Variants in COL4A3 observed in about 807,000 individuals in gnomAD.
The protein encoded by COL4A3 is collagen alpha-3(IV) chain.
COL4A3 carries 135 observed loss-of-function variants against 217.4 expected under a neutral mutation model. That is an observed-to-expected ratio of 0.62 (90% CI 0.54 to 0.72). The LOEUF (loss-of-function observed/expected upper bound fraction) is 0.72. Ranked by LOEUF, COL4A3 falls within the 30% of genes least tolerant of loss-of-function variation. The probability of loss-of-function intolerance (pLI) is 0.00; values close to 1 mark genes in which losing one functional copy is unlikely to be tolerated. For missense variants in COL4A3, 1,868 were observed against 2,119.9 expected (o/e 0.88, Z 2.33); for synonymous variants, 690 against 736.3 (o/e 0.94, Z 1.02).
At chr2:227,266,605 G>T in intron 22 of COL4A3, 96 bp downstream of exon 22, 1 of 910,738 alleles carries the variant, frequency 1.1e-6, no homozygotes, top group Non-Finnish European at 1.8e-6. Flanking sequence ...ATCCCAAATA[G>T]CTACCAGTCA....
At chr2:227,281,683 C>T (rs550068294) in intron 31 of COL4A3, 7 of 152,820 alleles carry the variant, frequency 4.6e-5, no homozygotes, top group Admixed American at 4.6e-4. Flanking sequence ...TTATTTTTTC[C>T]AGAGGCATCC....
chr2:227,297,689 G>A lies in COL4A3; in HGVS notation c.3581G>A (p.Arg1194Lys), dbSNP rs2073091084. 2 of 1,608,544 alleles carry A rather than the reference G, an allele frequency of 1.2e-6. No individual in the cohort carries two copies. Among genetic ancestry groups the A allele is most frequent in the Non-Finnish European group, 1.7e-6 (2 of 1,178,116 alleles). The stretch of plus-strand genomic sequence containing the variant: ...TTCTTTGCAGGAGCCAAAGGAGACA[G>A]GGGAGCCCCAGGTTTTCCTGGCCTC... The part of the protein sequence containing the change: ...NPGAQGAKGD[R>K]GAPGFPGLPG... Residue 1194 changes from arginine to lysine, a missense_variant, in exon 42 of 52, where the codon AGG becomes AAG. Arg to Lys is a conservative substitution (Grantham distance 26). Coordinates refer to ENST00000396578, the MANE Select transcript of COL4A3 (RefSeq NM_000091.5).
rs762337737 is a variant in COL4A3, at chr2:227,280,525, T to G, written c.2309T>G (p.Ile770Ser). Residue 770 changes from isoleucine (I) to serine (S), a missense_variant, in exon 30 of 52, where the codon ATT becomes AGT. Physicochemically the swap from Ile to Ser is moderately radical, Grantham distance 142 (BLOSUM62 -2). Transcript: ENST00000396578. The part of the protein sequence containing the change: ...ERGNSGEHGE[I>S]GLPGLPGLPG... ...GGCAATTCTGGGGAACATGGAGAAA[T>G]TGGACTCCCTGGACTTCCAGGTCTC... is the stretch of plus-strand genomic sequence containing the variant. 5.0e-6 allele frequency: 8 copies of G among 1,613,792 alleles called. No homozygotes were observed. Among genetic ancestry groups the G allele is most frequent in the African/African-American group, 1.3e-5 (1 of 74,840 alleles).
intron 34 of COL4A3, 57 bp from the exon 35 acceptor site, chr2:227,289,093 G>A: frequency 7.4e-7 from 1 of 1,360,046 alleles, no homozygotes; most frequent in African/African-American, 1.4e-5. Flanking sequence ...TGGGATTACA[G>A]GCACCTGCCA....
chr2:227,257,650 T>G lies in COL4A3; in HGVS notation c.1029+6T>G, dbSNP rs752942388. ...CTCCAGGATTTCGTGGTCCAGTAAGTGTGATTAAAGACAATATCAATGCTA... is the reference window on the plus strand; with the variant it reads ...CTCCAGGATTTCGTGGTCCAGTAAGGGTGATTAAAGACAATATCAATGCTA... On this transcript the variant is annotated splice_donor_region_variant and intron_variant, in intron 18 of 51. Coordinates refer to ENST00000396578, the MANE Select transcript of COL4A3 (RefSeq NM_000091.5). The G allele has an allele frequency of 6.2e-7, 1 of 1,612,912 alleles. No homozygotes were observed. Among genetic ancestry groups the G allele is most frequent in the South Asian group, 1.1e-5 (1 of 91,060 alleles).
chr2:227,290,203 A>G, intron 36 of COL4A3, 115 bp downstream of exon 36: 1 of 1,053,458 alleles, frequency 9.5e-7, no homozygotes, highest in East Asian at 2.5e-5. Flanking sequence ...ATATTAAAAA[A>G]CTAGATTTGC....
In COL4A3 at chr2:227,273,112, A is replaced by T; in HGVS notation, c.1922A>T (p.Glu641Val). ...GVPGAPGPPG[E>V]AGPRGELSVS... is the part of the protein sequence containing the mutation. The stretch of plus-strand genomic sequence containing the variant: ...CCTGGAGCCCCCGGACCACCCGGAG[A>T]AGCCGGTTGGTTAGTTTTCTTTCCA... The change falls in exon 26 of 52, where the codon GAA becomes GTA. Residue 641 changes from glutamate (E) to valine (V), a missense_variant. Glu to Val is a moderately radical substitution (Grantham distance 121). This residue lies in a region of COL4A3 where 1,503 missense variants were observed against 1,786.1 expected (regional missense o/e 0.84). Coordinates refer to ENST00000396578, the MANE Select transcript of COL4A3 (RefSeq NM_000091.5). 1 of 1,613,498 alleles carries T rather than the reference A, an allele frequency of 6.2e-7. No homozygotes were observed.
At chr2:227,300,429 T>C (rs559958989) in intron 43 of COL4A3, among the ~76,000 whole-genome samples, 1 of 152,270 alleles carries the variant, frequency 6.6e-6, no homozygotes, top group Admixed American at 6.5e-5. Flanking sequence ...ATCTTAGACA[T>C]CATCTTATTC....
chr2:227,183,255 A>G (rs1237153660), intron 1 of COL4A3, among the ~76,000 whole-genome samples: 1 of 152,214 alleles, frequency 6.6e-6, no homozygotes, highest in Non-Finnish European at 1.5e-5. Context: ...ATAGCAAACC[A>G]TGTCCCATAA....
At chr2:227,274,238 A>AAAAT (rs57515255) in intron 26 of COL4A3, among the ~76,000 whole-genome samples, 6,279 of 143,768 alleles carry the variant, frequency 0.044, 205 homozygotes, top group East Asian at 0.12. Context: ...TACTGTCTCA[A>AAAAT]AAATAAATAA....
intron 39 of COL4A3, 25 bp downstream of exon 39, chr2:227,294,595 T>C: frequency 1.3e-6 from 2 of 1,497,918 alleles, no homozygotes; most frequent in East Asian, 2.3e-5. Flanking sequence ...CTTTCTCTTT[T>C]TCCTTTTCAT....
At chr2:227,218,001 CA>C (rs962783847) in intron 1 of COL4A3, among the ~76,000 whole-genome samples, 1 of 135,206 alleles carries the variant, frequency 7.4e-6, no homozygotes, top group African/African-American at 2.5e-5. Context: ...AATACACATT[CA>C]AACTCCATAT....
intron 1 of COL4A3, among the ~76,000 whole-genome samples, chr2:227,194,019 A>G (rs1234383959): frequency 9.7e-5 from 1 of 10,318 alleles, no homozygotes; most frequent in Non-Finnish European, 2.3e-4. Context: ...AAGGAAGGAG[A>G]GAAGAAGGAA....
intron 47 of COL4A3, 138 bp from the exon 48 acceptor site, chr2:227,307,572 T>G (rs1559921972): frequency 1.4e-5 from 10 of 733,628 alleles, no homozygotes; most frequent in Non-Finnish European, 2.3e-5. Flanking sequence ...GTTTGGCCAT[T>G]TTTATAAGCC....
At chr2:227,198,418 C>T (rs59773886) in intron 1 of COL4A3, among the ~76,000 whole-genome samples, 7,567 of 152,212 alleles carry the variant, frequency 0.05, 432 homozygotes, top group African/African-American at 0.13. Flanking sequence ...TTATGAAGAA[C>T]ATAAACCATT....
chr2:227,209,490 A>G (rs2125783334), intron 1 of COL4A3, among the ~76,000 whole-genome samples: 1 of 152,296 alleles, frequency 6.6e-6, no homozygotes. Context: ...TCTTCTGTGA[A>G]GCCTCTGTGT....
chr2:227,199,660 C>T (rs1352335630), intron 1 of COL4A3, among the ~76,000 whole-genome samples: 1 of 152,194 alleles, frequency 6.6e-6, no homozygotes, highest in Non-Finnish European at 1.5e-5. Flanking sequence ...ATCGGAATCA[C>T]CTAAGATCTT....
chr2:227,242,539 C>T (rs554563896), intron 3 of COL4A3, among the ~76,000 whole-genome samples: 1 of 152,308 alleles, frequency 6.6e-6, no homozygotes, highest in Non-Finnish European at 1.5e-5. Context: ...CTCAAAGTTT[C>T]AAGCTTCTAA....
intron 32 of COL4A3, among the ~76,000 whole-genome samples, chr2:227,283,089 T>G (rs1038753960): frequency 2.0e-5 from 3 of 152,228 alleles, no homozygotes; most frequent in Non-Finnish European, 2.9e-5. Flanking sequence ...TGGAGTCAGT[T>G]TTGGTATTCT....
Sources: allele counts gnomAD v4.1 joint callset (sites outside exome capture counted in the v4.1 genomes callset), GRCh38; gene constraint gnomAD v4.1.1; regional missense constraint gnomAD v4.1.1; transcripts MANE v1.5; gene names NCBI Gene and HGNC (gene_info 2026-07-23, HGNC 2026-07-21).